Variants in LOXHD1 observed in about 807,000 individuals in gnomAD.
LOXHD1 encodes lipoxygenase homology domain-containing protein 1.
Under a neutral mutation model 248.2 loss-of-function variants are expected in LOXHD1, and 205 were observed. The ratio of observed to expected loss-of-function variants is 0.83; its 90% confidence interval spans 0.74 to 0.93. The LOEUF (loss-of-function observed/expected upper bound fraction) is 0.93, where lower values mean the gene tolerates loss of function less well. Among genes scored for constraint, LOXHD1 ranks in the 40% least tolerant of loss-of-function variants. LOXHD1 has a pLI of 0.00. For missense variants in LOXHD1, 2,930 were observed against 2,971.6 expected (o/e 0.99, Z 0.33); for synonymous variants, 1,113 against 1,162.8 (o/e 0.96, Z 0.87).
intron 39 of LOXHD1, 77 bp from the exon 40 acceptor site, chr18:46,483,822 C>T: frequency 1.3e-6 from 2 of 1,484,224 alleles, no homozygotes. Flanking sequence ...GGGCCTGCTG[C>T]ATTCCAAGCA....
chr18:46,594,921 T>C (rs1194115701), intron 8 of LOXHD1, among the ~76,000 whole-genome samples: 1 of 152,204 alleles, frequency 6.6e-6, no homozygotes, highest in Admixed American at 6.5e-5. Context: ...TTCTCTCTTA[T>C]ACCTTCTCTA....
At chr18:46,535,430 C>A (rs1264912169) in intron 26 of LOXHD1, among the ~76,000 whole-genome samples, 3 of 152,054 alleles carry the variant, frequency 2.0e-5, no homozygotes, top group Non-Finnish European at 1.5e-5. Context: ...GCCAGGTGAG[C>A]CCCTGAACTG....
chr18:46,545,465 T>C (rs1347175540), intron 22 of LOXHD1, 44 bp from the exon 23 acceptor site: 1 of 1,449,112 alleles, frequency 6.9e-7, no homozygotes. Context: ...AGACTGTTCC[T>C]TTCATGAAAG....
At chr18:46,509,532 C>T (rs1409914484) in intron 35 of LOXHD1, 166 bp downstream of exon 35, 3 of 680,790 alleles carry the variant, frequency 4.4e-6, no homozygotes, top group Non-Finnish European at 8.2e-6. Context: ...ACGACATTCT[C>T]TGATTAATTC....
At chr18:46,615,122 GCTAGAGGAGACC>G (rs1449705917) in intron 5 of LOXHD1, among the ~76,000 whole-genome samples, 8 of 152,222 alleles carry the variant, frequency 5.3e-5, no homozygotes, top group Admixed American at 4.6e-4. Flanking sequence ...TCTTTACTAT[GCTAGAGGAGACC>G]CTCATGTTCC....
In LOXHD1 at chr18:46,559,594, AG is replaced by A; in HGVS notation, c.3069del (p.Tyr1024MetfsTer21). On this transcript the variant is annotated frameshift_variant, in exon 20 of 41. Coordinates refer to ENST00000642948, the MANE Select transcript of LOXHD1 (RefSeq NM_001384474.1). LOFTEE classifies it high-confidence loss of function. ...PAGKPGPERN[T>X]YEVQVVTGNV... is the part of the protein sequence containing the mutation. Reference sequence around the variant, plus strand: ...TTCCCCGTGACCACCTGAACCTCATAGGTGTTTCCTGTAGACACAGAAAGAT... The same window carrying A: ...TTCCCCGTGACCACCTGAACCTCATAGTGTTTCCTGTAGACACAGAAAGAT... 6.4e-7 allele frequency: 1 copy of A among 1,551,748 alleles called. No homozygotes were observed. The highest frequency in any genetic ancestry group is 8.7e-7 in the Non-Finnish European group (1 of 1,146,970).
chr18:46,592,154 A>T (rs2038182187), intron 11 of LOXHD1, 86 bp from the exon 12 acceptor site: 1 of 1,489,546 alleles, frequency 6.7e-7, no homozygotes, highest in Non-Finnish European at 9.2e-7. Flanking sequence ...ATCTCATTGC[A>T]GAGAAGCCAA....
At chr18:46,527,049 T>TC (rs1200431303) in intron 29 of LOXHD1, among the ~76,000 whole-genome samples, 2 of 150,912 alleles carry the variant, frequency 1.3e-5, no homozygotes, top group Non-Finnish European at 2.9e-5. Context: ...TGATGGGGCG[T>TC]CAAAACTGGA....
intron 19 of LOXHD1, 35 bp downstream of exon 19, chr18:46,560,048 T>TGCCTA: frequency 8.2e-7 from 1 of 1,226,296 alleles, no homozygotes; most frequent in Non-Finnish European, 1.1e-6. Context: ...GTCTGGCCAC[T>TGCCTA]CCCTCCCCAC....
intron 4 of LOXHD1, among the ~76,000 whole-genome samples, chr18:46,622,645 G>C (rs990255839): frequency 6.6e-6 from 1 of 152,178 alleles, no homozygotes; most frequent in African/African-American, 2.4e-5. Context: ...TGGACCATTA[G>C]CTAAGCATCT....
intron 13 of LOXHD1, 44 bp from the exon 14 acceptor site, chr18:46,577,911 C>A: frequency 6.5e-7 from 1 of 1,548,108 alleles, no homozygotes; most frequent in South Asian, 1.2e-5. Context: ...GTGGCTACCC[C>A]AGGACCCAAA....
chr18:46,656,434 A>G (rs2039182853), intron 1 of LOXHD1, among the ~76,000 whole-genome samples: 1 of 152,102 alleles, frequency 6.6e-6, no homozygotes, highest in Non-Finnish European at 1.5e-5. Context: ...GACATATGGG[A>G]TGGACATCTC....
chr18:46,483,443 C>A, intron 40 of LOXHD1, 144 bp downstream of exon 40: 1 of 979,742 alleles, frequency 1.0e-6, no homozygotes, highest in Admixed American at 2.2e-5. Flanking sequence ...TCTTCCCTTC[C>A]TGCCTTCTAG....
chr18:46,480,979 A>G (rs1271914338), intron 40 of LOXHD1, among the ~76,000 whole-genome samples: 1 of 152,226 alleles, frequency 6.6e-6, no homozygotes, highest in East Asian at 1.9e-4. Flanking sequence ...GCTATTAGTG[A>G]TGAATGAGAA....
intron 36 of LOXHD1, among the ~76,000 whole-genome samples, 164 bp downstream of exon 36, chr18:46,507,374 G>T (rs2034638183): frequency 6.6e-6 from 1 of 152,248 alleles, no homozygotes; most frequent in Non-Finnish European, 1.5e-5. Context: ...GGGAGGAGAT[G>T]CTTTGTCCAG....
chr18:46,568,257 G>T (rs1053871171), intron 16 of LOXHD1, among the ~76,000 whole-genome samples: 6 of 152,156 alleles, frequency 3.9e-5, no homozygotes, highest in Admixed American at 6.5e-5. Flanking sequence ...CCTGGGAGCA[G>T]CAGGTAGTAA....
At chr18:46,511,347 C>G (rs1417634915) in intron 34 of LOXHD1, among the ~76,000 whole-genome samples, 2 of 152,188 alleles carry the variant, frequency 1.3e-5, no homozygotes, top group Non-Finnish European at 2.9e-5. Flanking sequence ...TTGATCCAGG[C>G]CTTCTGCCCC....
Position 46,592,046 on chromosome 18 carries a change from T to C in LOXHD1, c.1541A>G (p.Asn514Ser). Reference protein sequence around the residue: ...LERMTLMNTLNKDKYNFNCNR... With the variant: ...LERMTLMNTLSKDKYNFNCNR... Reference sequence around the variant, plus strand: ...GCAATTGAAGTTGTACTTGTCTTTGTTCAGAGTGTTCATCAGGGTCATCTG... The same window carrying C: ...GCAATTGAAGTTGTACTTGTCTTTGCTCAGAGTGTTCATCAGGGTCATCTG... The change falls in exon 12 of 41, where the codon AAC becomes AGC. Residue 514 changes from asparagine to serine, a missense_variant. Asn to Ser is a conservative substitution (Grantham distance 46). Transcript: ENST00000642948. The C allele has an allele frequency of 6.4e-7, 1 of 1,552,294 alleles. No homozygotes were observed. Among genetic ancestry groups the C allele is most frequent in the Non-Finnish European group, 8.7e-7 (1 of 1,147,094 alleles).
At chr18:46,629,542 T>C (rs1300152463) in intron 4 of LOXHD1, among the ~76,000 whole-genome samples, 1 of 152,076 alleles carries the variant, frequency 6.6e-6, no homozygotes, top group Non-Finnish European at 1.5e-5. Context: ...TCTTATCCCA[T>C]TCTCCCCTCA....
Sources: gnomAD v4.1 joint callset for allele counts (sites outside exome capture counted in the v4.1 genomes callset) on GRCh38, gnomAD v4.1.1 for gene constraint, MANE v1.5 for transcripts, NCBI Gene and HGNC (gene_info 2026-07-23, HGNC 2026-07-21) for gene names.